The following ANKRD42 variants were observed in gnomAD, a reference collection of about 807,000 sequenced individuals.
ANKRD42 encodes the protein ankyrin repeat domain 42, also known as ankyrin repeat domain-containing protein 42.
Under a neutral mutation model 51.5 loss-of-function variants are expected in ANKRD42, and 43 were observed. That is an observed-to-expected ratio of 0.83 (90% CI 0.65 to 1.08). The LOEUF is 1.08. ANKRD42 is among the 50% of genes least tolerant of loss of function. The pLI, the probability that ANKRD42 is intolerant of heterozygous loss-of-function variation, is 0.00. For synonymous variants in ANKRD42, 203 were observed against 213.0 expected (o/e 0.95, Z 0.41); for missense variants, 608 against 629.3 (o/e 0.97, Z 0.36).
At chr11:83,225,851 A>C (rs1862865470) in intron 6 of ANKRD42, among the ~76,000 whole-genome samples, 1 of 150,868 alleles carries the variant, frequency 6.6e-6, no homozygotes, top group African/African-American at 2.4e-5. Context: ...TCTCCCTAAT[A>C]CCATTACCTT....
chr11:83,211,236 G>A (rs1180388746), intron 4 of ANKRD42, 59 bp from the exon 5 acceptor site: 5 of 1,598,828 alleles, frequency 3.1e-6, no homozygotes, highest in Non-Finnish European at 4.3e-6. Context: ...AAGCTGCTAG[G>A]CTTAGTATTT....
At chr11:83,231,171 C>T (rs115568196) in intron 7 of ANKRD42, among the ~76,000 whole-genome samples, 2,748 of 152,300 alleles carry the variant, frequency 0.018, 64 homozygotes, top group African/African-American at 0.058. Flanking sequence ...TTTACATTCT[C>T]ACCAACAGTG....
chr11:83,262,689 T>C (rs967811796), downstream of ANKRD42, among the ~76,000 whole-genome samples: 1 of 152,156 alleles, frequency 6.6e-6, no homozygotes, highest in African/African-American at 2.4e-5. Context: ...CACAAGAAAT[T>C]AGCCTTTCAA....
In ANKRD42 at chr11:83,206,103, A is replaced by G. The variant is rs775965833; in HGVS notation, c.268A>G (p.Thr90Ala). Reference protein sequence around the residue: ...LWHGADITHVTTRGWTASHIA... With the variant: ...LWHGADITHVATRGWTASHIA... ...GCATGGAGCTGATATCACACACGTA[A>G]CAACGAGAGGTTGGACAGCATCTCA... The change falls in exon 3 of 11, where the codon ACA (threonine) becomes GCA (alanine). Residue 90 changes from threonine (T) to alanine (A), a missense_variant. Physicochemically the swap from Thr to Ala is moderately conservative, Grantham distance 58. Coordinates refer to ENST00000533342, the MANE Select transcript of ANKRD42 (RefSeq NM_001300975.2). The G allele has an allele frequency of 4.3e-6, 7 of 1,613,956 alleles. No homozygotes were observed. In the East Asian group the frequency reaches 1.3e-4, roughly 31 times the overall value.
intron 5 of ANKRD42, 60 bp from the exon 6 acceptor site, chr11:83,224,795 A>G (rs1375747054): frequency 1.5e-6 from 2 of 1,327,794 alleles, no homozygotes; most frequent in Non-Finnish European, 2.0e-6. Context: ...AAATACATAC[A>G]TACATACATA....
At chr11:83,213,750 A>T (rs1862419608) in intron 5 of ANKRD42, 2 of 183,952 alleles carry the variant, frequency 1.1e-5, no homozygotes, top group Non-Finnish European at 2.2e-5. Context: ...ATTGAATCAT[A>T]GGAGTTCTTT....
At chr11:83,202,324 C>T (rs1177705848) in intron 2 of ANKRD42, among the ~76,000 whole-genome samples, 1 of 152,142 alleles carries the variant, frequency 6.6e-6, no homozygotes, top group Non-Finnish European at 1.5e-5. Context: ...TTTCTGAGCA[C>T]TCTTGTTCTG....
chr11:83,213,500 C>T (rs1048711414), intron 5 of ANKRD42: 2 of 1,318,714 alleles, frequency 1.5e-6, no homozygotes, highest in African/African-American at 1.5e-5. Context: ...TGTTAGGCTT[C>T]CTTCGCTTTT....
chr11:83,206,227 C>T, intron 3 of ANKRD42, 62 bp downstream of exon 3: 3 of 1,294,640 alleles, frequency 2.3e-6, no homozygotes, highest in Middle Eastern at 1.9e-4. Flanking sequence ...TGGGATATTG[C>T]TATTATTCTA....
At chr11:83,236,317 A>G (rs1179665299) in intron 7 of ANKRD42, 87 bp from the exon 8 acceptor site, 7 of 995,086 alleles carry the variant, frequency 7.0e-6, no homozygotes, top group African/African-American at 1.6e-5. Context: ...GTACTCTATA[A>G]TGGTACTGTC....
At chr11:83,233,232 C>G (rs753574527) in intron 7 of ANKRD42, among the ~76,000 whole-genome samples, 12 of 138,404 alleles carry the variant, frequency 8.7e-5, no homozygotes, top group Non-Finnish European at 1.4e-4. Context: ...TTTTTTTTAA[C>G]TGGGAGACTT....
chr11:83,239,497 T>C (rs757383913), intron 8 of ANKRD42, among the ~76,000 whole-genome samples: 1 of 152,226 alleles, frequency 6.6e-6, no homozygotes, highest in Non-Finnish European at 1.5e-5. Flanking sequence ...AAATTTTCTT[T>C]TATGTTTTCT....
chr11:83,262,855 T>A (rs1356699765), downstream of ANKRD42, among the ~76,000 whole-genome samples: 1 of 152,116 alleles, frequency 6.6e-6, no homozygotes, highest in African/African-American at 2.4e-5. Context: ...ACACTAAGAG[T>A]TTCTTGTCTT....
Position 83,193,781 on chromosome 11 carries a change from A to G in ANKRD42, c.-890A>G, listed in dbSNP as rs1161696970. ...GCTGGAGTCGGGAGGCTGGAAAGAG[A>G]CTCCGAGAAAGTACCAGCGGAAGGC... On this transcript the variant is annotated 5_prime_UTR_variant, in exon 1 of 11. Coordinates refer to ENST00000533342, the MANE Select transcript of ANKRD42 (RefSeq NM_001300975.2). The G allele has an allele frequency of 4.5e-6, 2 of 449,388 alleles. No individual in the cohort carries two copies. Among genetic ancestry groups the G allele is most frequent in the Admixed American group, 2.5e-5 (1 of 40,516 alleles). The allele number at this position is 449,388 out of a possible 1,614,324, so 27.8% of individuals were successfully genotyped here.
downstream of ANKRD42, chr11:83,260,438 G>A (rs1171771514): frequency 1.3e-5 from 2 of 152,084 alleles, no homozygotes; most frequent in Non-Finnish European, 2.9e-5. Flanking sequence ...ACTCTCTTAG[G>A]CAATAGAGAT....
chr11:83,211,515 G>A (rs1174577602), intron 5 of ANKRD42, 85 bp downstream of exon 5: 22 of 1,424,690 alleles, frequency 1.5e-5, no homozygotes, highest in Non-Finnish European at 2.1e-5. Flanking sequence ...TTAAACTGTT[G>A]GTTGAGCGTG....
chr11:83,208,365 TTGTG>T lies in ANKRD42; in HGVS notation c.331-1918_331-1915del, dbSNP rs747551565. Among the ~76,000 whole-genome samples, 16 of 150,400 alleles carry T rather than the reference TTGTG, an allele frequency of 1.1e-4. No homozygotes were observed. In the East Asian group the frequency reaches 1.2e-3, roughly 11 times the overall value. On this transcript the variant is annotated intron_variant, in intron 3 of 10. Coordinates refer to ENST00000533342, the MANE Select transcript of ANKRD42 (RefSeq NM_001300975.2). Reference sequence around the variant, plus strand: ...AGAGTTTTTATATACGTGTGTGTGTTTGTGTGTGTGTGTGTGTGTGAATATGTTT... The same window carrying T: ...AGAGTTTTTATATACGTGTGTGTGTTTGTGTGTGTGTGTGTGAATATGTTT...
At position 83,193,753 on chromosome 11, in the gene ANKRD42, G is replaced by A. The variant is rs956423600; in HGVS notation, c.-918G>A. On this transcript the variant is annotated 5_prime_UTR_variant, in exon 1 of 11. In the 5' UTR this introduces an upstream ATG that the reference lacks. Coordinates refer to ENST00000533342, the MANE Select transcript of ANKRD42 (RefSeq NM_001300975.2). ...ACGGCCCTGCTGCCTCTCCAGCCAA[G>A]TGGCTGGAGTCGGGAGGCTGGAAAG... is the stretch of plus-strand genomic sequence containing the variant. The A allele has an allele frequency of 6.9e-6, 3 of 432,496 alleles. No homozygotes were observed. The highest frequency in any genetic ancestry group is 1.4e-5 in the Non-Finnish European group (3 of 216,634). The allele number at this position is 432,496 out of a possible 1,614,324, so 26.8% of individuals were successfully genotyped here. A position where few individuals can be genotyped will look rare whatever the true frequency, so the allele number is the denominator to read the frequency against.
intron 5 of ANKRD42, among the ~76,000 whole-genome samples, chr11:83,220,874 C>T (rs897591637): frequency 2.6e-5 from 4 of 151,894 alleles, no homozygotes; most frequent in Admixed American, 1.3e-4. Flanking sequence ...GGTCTTACTA[C>T]GGTTGAATCT....
Sources: gnomAD v4.1 joint callset for allele counts (sites outside exome capture counted in the v4.1 genomes callset) on GRCh38, gnomAD v4.1.1 for gene constraint, MANE v1.5 for transcripts, NCBI Gene and HGNC (gene_info 2026-07-23, HGNC 2026-07-21) for gene names.